MEMO1: variants seen among roughly 807,000 people sequenced by gnomAD.
MEMO1 encodes mediator of cell motility 1, also known as protein MEMO1.
Under a neutral mutation model 45.2 loss-of-function variants are expected in MEMO1, and 6 were observed. The observed-to-expected ratio is 0.13, with a 90% CI of 0.07 to 0.26. The LOEUF is 0.26. Among genes scored for constraint, MEMO1 ranks in the 10% least tolerant of loss-of-function variants. The pLI is 1.00. For missense variants in MEMO1, 184 were observed against 370.5 expected (o/e 0.50, Z 4.13); for synonymous variants, 78 against 124.3 (o/e 0.63, Z 2.48).
intron 2 of MEMO1, among the ~76,000 whole-genome samples, chr2:31,972,705 C>A (rs912753097): frequency 3.3e-5 from 5 of 151,370 alleles, no homozygotes; most frequent in African/African-American, 1.2e-4. Context: ...AGTGAGACTC[C>A]ATCTCAAAAA....
At chr2:31,904,993 G>A (rs1439650224) in intron 6 of MEMO1, among the ~76,000 whole-genome samples, 1 of 152,208 alleles carries the variant, frequency 6.6e-6, no homozygotes, top group Non-Finnish European at 1.5e-5. Flanking sequence ...CAGCACTTCG[G>A]GAGGCCAAGG....
At chr2:31,913,756 G>A (rs1680990672) in intron 6 of MEMO1, among the ~76,000 whole-genome samples, 1 of 152,054 alleles carries the variant, frequency 6.6e-6, no homozygotes, top group Non-Finnish European at 1.5e-5. Flanking sequence ...TACCATGGAA[G>A]GGACACAGAC....
chr2:31,960,014 G>C (rs1453044521), intron 2 of MEMO1, among the ~76,000 whole-genome samples: 3 of 152,120 alleles, frequency 2.0e-5, no homozygotes, highest in African/African-American at 7.2e-5. Flanking sequence ...TTGAGGCCAG[G>C]AGTTCAAGAC....
At chr2:31,905,463 G>C (rs565560856) in intron 6 of MEMO1, among the ~76,000 whole-genome samples, 1 of 152,234 alleles carries the variant, frequency 6.6e-6, no homozygotes, top group South Asian at 2.1e-4. Context: ...ATGATGATAA[G>C]AAAGTTTTTC....
intron 4 of MEMO1, among the ~76,000 whole-genome samples, chr2:31,925,478 A>AC (rs1178254770): frequency 1.3e-3 from 120 of 89,752 alleles, no homozygotes; most frequent in African/African-American, 3.4e-3. Context: ...TCCGTCTCAA[A>AC]AAAAAAAAAA....
intron 4 of MEMO1, among the ~76,000 whole-genome samples, chr2:31,927,018 G>C (rs763224113): frequency 6.6e-6 from 1 of 152,024 alleles, no homozygotes; most frequent in Non-Finnish European, 1.5e-5. Flanking sequence ...CTGTAAAACA[G>C]ACAATGAATT....
chr2:31,901,092 C>T (rs1678717633), intron 6 of MEMO1, among the ~76,000 whole-genome samples: 1 of 152,050 alleles, frequency 6.6e-6, no homozygotes, highest in African/African-American at 2.4e-5. Context: ...AAAGAATGAG[C>T]TGGGCGTGGT....
chr2:31,901,563 A>T (rs1287883841), intron 6 of MEMO1, among the ~76,000 whole-genome samples: 2 of 152,024 alleles, frequency 1.3e-5, no homozygotes, highest in Non-Finnish European at 2.9e-5. Context: ...ACTGAGAGTA[A>T]GAACAAGGAT....
At chr2:31,931,190 CA>C (rs1447485648) in intron 4 of MEMO1, among the ~76,000 whole-genome samples, 1 of 152,244 alleles carries the variant, frequency 6.6e-6, no homozygotes, top group African/African-American at 2.4e-5. Flanking sequence ...GAGAACGCTA[CA>C]TAAAAATTTG....
intron 2 of MEMO1, among the ~76,000 whole-genome samples, chr2:31,996,564 G>GA (rs1008296113): frequency 3.3e-5 from 5 of 151,658 alleles, no homozygotes; most frequent in Non-Finnish European, 7.4e-5. Flanking sequence ...GAAACTAAAA[G>GA]AAAAAATAAG....
At chr2:31,916,481 C>A (rs1046385133) in intron 6 of MEMO1, among the ~76,000 whole-genome samples, 2 of 152,156 alleles carry the variant, frequency 1.3e-5, no homozygotes, top group Non-Finnish European at 2.9e-5. Context: ...TGCCCACCTC[C>A]GCCTCCCAAA....
In MEMO1 at chr2:31,869,829, G is replaced by T. The variant is rs187313434; in HGVS notation, c.762+19C>A. On this transcript the variant is annotated intron_variant, in intron 9 of 9. Coordinates refer to ENST00000404530, the MANE Select transcript of MEMO1 (RefSeq NM_001301833.4). ...ATATGACCAAATGTTAAAAGTCAAG[G>T]CTTCCTAAGGATACTCACATTTAAT... 11 of 1,562,956 alleles carry T rather than the reference G, an allele frequency of 7.0e-6. No individual in the cohort carries two copies. The Admixed American group carries it at 2.0e-4, about 28-fold the overall frequency.
chr2:31,962,856 G>A (rs540793576), intron 2 of MEMO1, among the ~76,000 whole-genome samples: 4 of 152,308 alleles, frequency 2.6e-5, no homozygotes, highest in Admixed American at 1.3e-4. Flanking sequence ...ATGTATCTGT[G>A]AGAGTATTTC....
At chr2:31,877,406 G>A (rs1198515645) in intron 8 of MEMO1, among the ~76,000 whole-genome samples, 1 of 152,180 alleles carries the variant, frequency 6.6e-6, no homozygotes, top group African/African-American at 2.4e-5. Flanking sequence ...CAGGGATGCT[G>A]ACACAAGACA....
At chr2:31,968,294 T>A (rs1177669024) in intron 2 of MEMO1, among the ~76,000 whole-genome samples, 2 of 152,206 alleles carry the variant, frequency 1.3e-5, no homozygotes, top group African/African-American at 4.8e-5. Flanking sequence ...AGGATGCATC[T>A]GCAGATCTGA....
At chr2:31,989,036 G>A (rs1439631983) in intron 2 of MEMO1, among the ~76,000 whole-genome samples, 3 of 151,754 alleles carry the variant, frequency 2.0e-5, no homozygotes, top group Non-Finnish European at 2.9e-5. Flanking sequence ...GAGAAACCCC[G>A]TCTCTACCAA....
At chr2:31,950,470 G>C (rs2148356394) in intron 2 of MEMO1, among the ~76,000 whole-genome samples, 1 of 151,258 alleles carries the variant, frequency 6.6e-6, no homozygotes, top group East Asian at 2.0e-4. Context: ...TGTAATCCCA[G>C]CACTTTAGGA....
intron 6 of MEMO1, among the ~76,000 whole-genome samples, chr2:31,910,855 G>A (rs1004251288): frequency 2.6e-4 from 40 of 151,772 alleles, no homozygotes; most frequent in African/African-American, 8.5e-4. Flanking sequence ...GTAAGAGCCC[G>A]TCTCAAAAAA....
At chr2:31,875,977 G>A (rs1015421984) in intron 8 of MEMO1, among the ~76,000 whole-genome samples, 1 of 151,854 alleles carries the variant, frequency 6.6e-6, no homozygotes, top group Non-Finnish European at 1.5e-5. Flanking sequence ...ATGAGCCACC[G>A]CCCCCAGCCC....
Sources: gnomAD v4.1 joint callset for allele counts (sites outside exome capture counted in the v4.1 genomes callset) on GRCh38, gnomAD v4.1.1 for gene constraint, MANE v1.5 for transcripts, NCBI Gene and HGNC (gene_info 2026-07-23, HGNC 2026-07-21) for gene names.